TPST1: variants seen among roughly 807,000 people sequenced by gnomAD.
TPST1 encodes tyrosylprotein sulfotransferase 1.
In TPST1, 20 loss-of-function variants were observed where a neutral mutation model predicts 34.8. The observed-to-expected ratio is 0.57, with a 90% CI of 0.40 to 0.84. TPST1 has a LOEUF of 0.84. Ranked by LOEUF, TPST1 falls within the 40% of genes least tolerant of loss-of-function variation. TPST1 has a pLI of 0.00. For missense variants in TPST1, 353 were observed against 455.5 expected (o/e 0.78, Z 2.05); for synonymous variants, 152 against 159.4 (o/e 0.95, Z 0.35).
At chr7:66,356,730 G>C (rs921213214) in intron 4 of TPST1, 95 bp from the exon 5 acceptor site, 27 of 1,430,164 alleles carry the variant, frequency 1.9e-5, no homozygotes, top group Non-Finnish European at 2.6e-5. Context: ...AGTGAACAGA[G>C]CCTGCGGGCC....
At chr7:66,268,602 G>A (rs999847868) in intron 2 of TPST1, among the ~76,000 whole-genome samples, 1 of 152,104 alleles carries the variant, frequency 6.6e-6, no homozygotes, top group Non-Finnish European at 1.5e-5. Context: ...TCAATTCTTT[G>A]GGATGGTCAG....
At chr7:66,300,736 A>G (rs1258236493) in intron 3 of TPST1, among the ~76,000 whole-genome samples, 1 of 152,186 alleles carries the variant, frequency 6.6e-6, no homozygotes, top group Non-Finnish European at 1.5e-5. Context: ...ACCTGAGGTC[A>G]GGAGTTCAAG....
intron 3 of TPST1, among the ~76,000 whole-genome samples, chr7:66,325,525 C>T (rs1791846571): frequency 6.6e-6 from 1 of 151,936 alleles, no homozygotes; most frequent in Non-Finnish European, 1.5e-5. Context: ...CCCAATGTTG[C>T]CTAGGCTGGT....
At chr7:66,355,853 C>G (rs952667496) in intron 4 of TPST1, among the ~76,000 whole-genome samples, 1 of 146,132 alleles carries the variant, frequency 6.8e-6, no homozygotes, top group East Asian at 2.0e-4. Flanking sequence ...TGCAGTGAAC[C>G]GAGATTGCGC....
chr7:66,200,194 T>G, the TPST1 span, among the ~76,000 whole-genome samples: 1 of 152,130 alleles, frequency 6.6e-6, no homozygotes, highest in Non-Finnish European at 1.5e-5. Context: ...CACTCATCCT[T>G]GGCCAGGTCT....
rs538409108 is a variant in TPST1, at chr7:66,335,618, T to A, written c.1045-16887T>A. On this transcript the variant is annotated intron_variant, in intron 3 of 5. Coordinates refer to ENST00000304842, the MANE Select transcript of TPST1 (RefSeq NM_003596.4). ...GTCTGTGAAACAATGTCAGGGCAAG[T>A]TAGTTTAGTTTTAGTGCAGTGTTTT... Among the ~76,000 whole-genome samples the A allele has an allele frequency of 2.0e-5, 3 of 152,220 alleles. No individual in the cohort carries two copies. The East Asian group carries it at 5.8e-4, about 29-fold the overall frequency.
At chr7:66,251,153 G>T (rs1020914874) in intron 2 of TPST1, among the ~76,000 whole-genome samples, 2 of 152,174 alleles carry the variant, frequency 1.3e-5, no homozygotes, top group Non-Finnish European at 2.9e-5. Flanking sequence ...CCATAGGGTT[G>T]TCGTGAGGAT....
chr7:66,271,328 G>A (rs1453381715), intron 2 of TPST1, among the ~76,000 whole-genome samples: 4 of 152,136 alleles, frequency 2.6e-5, no homozygotes, highest in African/African-American at 4.8e-5. Flanking sequence ...ACAGGTGCCC[G>A]CCGCCACGCC....
chr7:66,274,872 T>A (rs964213069), intron 2 of TPST1, among the ~76,000 whole-genome samples: 2 of 152,120 alleles, frequency 1.3e-5, no homozygotes, highest in African/African-American at 4.8e-5. Flanking sequence ...AAAACTACAG[T>A]GTACCTCATA....
chr7:66,315,970 C>T (rs1211137325), intron 3 of TPST1, among the ~76,000 whole-genome samples: 3 of 152,008 alleles, frequency 2.0e-5, no homozygotes, highest in African/African-American at 7.2e-5. Context: ...ATTAGCCAGG[C>T]ATGGTAGCAC....
At chr7:66,247,477 C>T (rs1021868527) in intron 2 of TPST1, among the ~76,000 whole-genome samples, 2 of 152,038 alleles carry the variant, frequency 1.3e-5, no homozygotes, top group African/African-American at 4.8e-5. Context: ...GGTGCCTAAC[C>T]CAGTCTGAGG....
At chr7:66,223,927 A>G (rs944470912) in intron 1 of TPST1, among the ~76,000 whole-genome samples, 1 of 152,172 alleles carries the variant, frequency 6.6e-6, no homozygotes, top group African/African-American at 2.4e-5. Context: ...CTTTAGTTTA[A>G]CTTGTGCTCC....
intron 2 of TPST1, among the ~76,000 whole-genome samples, chr7:66,274,991 G>A (rs949407097): frequency 6.6e-6 from 1 of 152,052 alleles, no homozygotes; most frequent in Non-Finnish European, 1.5e-5. Flanking sequence ...TCAGGAGGTC[G>A]AGACCATGCT....
intron 1 of TPST1, among the ~76,000 whole-genome samples, chr7:66,214,356 T>C (rs914406293): frequency 4.0e-5 from 6 of 151,266 alleles, no homozygotes; most frequent in African/African-American, 1.5e-4. Context: ...TACCCTATAT[T>C]AACTATTAAT....
At chr7:66,239,158 T>A (rs529976522) in intron 1 of TPST1, among the ~76,000 whole-genome samples, 11 of 152,340 alleles carry the variant, frequency 7.2e-5, no homozygotes, top group African/African-American at 2.6e-4. Context: ...TCCCTCTGTC[T>A]TTTCTTTCTT....
At chr7:66,294,702 C>T (rs546654033) in intron 3 of TPST1, among the ~76,000 whole-genome samples, 4 of 151,756 alleles carry the variant, frequency 2.6e-5, no homozygotes, top group Admixed American at 2.0e-4. Flanking sequence ...ATGTTCCCAC[C>T]TAGACACATA....
rs577374869 is a variant in TPST1, at chr7:66,312,517, G to A, written c.1044+25808G>A. Among the ~76,000 whole-genome samples the A allele has an allele frequency of 6.6e-5, 10 of 152,250 alleles. 1 individual carries two copies. In the South Asian group the frequency reaches 2.1e-3, roughly 32 times the overall value. Reference sequence around the variant, plus strand: ...GGAGATACTTATAGGTTAACTTGGTGTCTGATTACCAGTGCCTGATATAAT... The same window carrying A: ...GGAGATACTTATAGGTTAACTTGGTATCTGATTACCAGTGCCTGATATAAT... On this transcript the variant is annotated intron_variant, in intron 3 of 5. Transcript: ENST00000304842.
chr7:66,304,632 C>T (rs887669922), intron 3 of TPST1, among the ~76,000 whole-genome samples: 9 of 152,196 alleles, frequency 5.9e-5, no homozygotes, highest in Non-Finnish European at 1.5e-5. Context: ...AAATGCTCTG[C>T]TTAACATGTT....
intron 3 of TPST1, among the ~76,000 whole-genome samples, chr7:66,344,709 C>A (rs1028825539): frequency 7.3e-5 from 11 of 150,950 alleles, no homozygotes; most frequent in Non-Finnish European, 1.5e-4. Context: ...CCTCACCCAG[C>A]CAACATTTCT....
Sources: allele counts gnomAD v4.1 joint callset (sites outside exome capture counted in the v4.1 genomes callset), GRCh38; gene constraint gnomAD v4.1.1; transcripts MANE v1.5; gene names NCBI Gene and HGNC (gene_info 2026-07-23, HGNC 2026-07-21).